The following INPP5K variants were observed in gnomAD, a reference collection of about 807,000 sequenced individuals.
INPP5K encodes the protein inositol polyphosphate 5-phosphatase K.
A neutral mutation model predicts 53.5 loss-of-function variants in INPP5K; 35 were observed. The observed-to-expected ratio is 0.65, with a 90% confidence interval of 0.50 to 0.87. The LOEUF (loss-of-function observed/expected upper bound fraction) is 0.87, where lower values mean the gene tolerates loss of function less well. INPP5K is among the 40% of genes least tolerant of loss of function. INPP5K has a pLI of 0.00. For missense variants in INPP5K, 550 were observed against 586.2 expected (o/e 0.94, Z 0.64); for synonymous variants, 253 against 232.8 (o/e 1.09, Z -0.79).
chr17:1,514,478 C>T (rs1452361691), intron 1 of INPP5K, among the ~76,000 whole-genome samples: 2 of 152,156 alleles, frequency 1.3e-5, no homozygotes, highest in African/African-American at 4.8e-5. Context: ...TCTGCTGAAG[C>T]AAGAAATCCC....
At chr17:1,506,212 T>C (rs1351809515) in intron 7 of INPP5K, among the ~76,000 whole-genome samples, 1 of 152,050 alleles carries the variant, frequency 6.6e-6, no homozygotes, top group East Asian at 1.9e-4. Flanking sequence ...TTAGTAGAGA[T>C]GGGGTTTTAC....
intron 8 of INPP5K, among the ~76,000 whole-genome samples, chr17:1,497,431 G>A (rs997973701): frequency 5.3e-5 from 8 of 152,076 alleles, no homozygotes; most frequent in Admixed American, 6.5e-5. Context: ...CTATGATACC[G>A]CCACTGCACT....
intron 11 of INPP5K, 58 bp downstream of exon 11, chr17:1,496,002 G>T: frequency 6.9e-7 from 1 of 1,439,112 alleles, no homozygotes; most frequent in Middle Eastern, 1.8e-4. Context: ...TGGGCCTCAG[G>T]GAGCCAGTGA....
At chr17:1,509,859 C>T in intron 3 of INPP5K, 60 bp from the exon 4 acceptor site, 2 of 1,009,584 alleles carry the variant, frequency 2.0e-6, no homozygotes, top group Non-Finnish European at 3.1e-6. Flanking sequence ...TGCATCCCTT[C>T]CAAGCTCCGT....
At chr17:1,497,715 G>A (rs960781087) in intron 8 of INPP5K, 17 of 504,378 alleles carry the variant, frequency 3.4e-5, no homozygotes, top group African/African-American at 2.7e-4. Flanking sequence ...CAAAGGAAAT[G>A]GAAACCTTTT....
chr17:1,495,686 C>A lies in INPP5K; in HGVS notation c.*137G>T. The A allele has an allele frequency of 3.1e-6, 2 of 641,890 alleles. No homozygotes were observed. The highest frequency in any genetic ancestry group is 2.9e-5 in the Admixed American group (1 of 34,812). 39.8% of individuals were successfully genotyped at this position (641,890 alleles called of 1,614,324 possible). ...AGAGCAAATGAGCCTGGTTAGAGCTCACTCTGGGAGGAGTATGTGGACGAC... is the reference window on the plus strand; with the variant it reads ...AGAGCAAATGAGCCTGGTTAGAGCTAACTCTGGGAGGAGTATGTGGACGAC... On this transcript the variant is annotated 3_prime_UTR_variant, in exon 12 of 12. Transcript: ENST00000421807.
intron 7 of INPP5K, among the ~76,000 whole-genome samples, chr17:1,502,201 T>G (rs1444076172): frequency 1.3e-5 from 2 of 151,566 alleles, no homozygotes; most frequent in Non-Finnish European, 2.9e-5. Flanking sequence ...TACAAAAAAT[T>G]AGCCAGGCGT....
At chr17:1,504,603 G>A (rs8069517) in intron 7 of INPP5K, among the ~76,000 whole-genome samples, 7,546 of 152,272 alleles carry the variant, frequency 0.05, 232 homozygotes, top group Non-Finnish European at 0.073. Flanking sequence ...TCCAATCCTC[G>A]TGCGATGAAG....
intron 3 of INPP5K, among the ~76,000 whole-genome samples, chr17:1,511,713 A>C (rs1011142165): frequency 1.3e-5 from 2 of 152,068 alleles, no homozygotes; most frequent in Non-Finnish European, 2.9e-5. Context: ...CTGGACCATG[A>C]GGGGCTGACT....
chr17:1,509,231 G>A lies in INPP5K; in HGVS notation c.501C>T (p.Ile167=). ...NYQRLEHFDR[I]LEMQNCEGRD... ...GCCCCTCACAATTCTGCATCTCCAGGATCCGGTCAAAGTGCTCCAGCCGCT... is the reference window on the plus strand; with the variant it reads ...GCCCCTCACAATTCTGCATCTCCAGAATCCGGTCAAAGTGCTCCAGCCGCT... Residue 167 remains isoleucine, a synonymous_variant, in exon 5 of 12, where the codon ATC becomes ATT. Coordinates refer to ENST00000421807, the MANE Select transcript of INPP5K (RefSeq NM_016532.4). 2.5e-6 allele frequency: 4 copies of A among 1,614,066 alleles called. No homozygotes were observed. The highest frequency in any genetic ancestry group is 3.4e-6 in the Non-Finnish European group (4 of 1,180,022).
At chr17:1,515,877 C>T (rs1380708282) in intron 1 of INPP5K, 2 of 979,286 alleles carry the variant, frequency 2.0e-6, no homozygotes, top group African/African-American at 3.5e-5. Context: ...GACTTCTTTT[C>T]CCAGACTCAC....
rs143924613 is a variant in INPP5K, at chr17:1,515,067, T to C, written c.45-1088A>G. On this transcript the variant is annotated intron_variant, in intron 1 of 11. Transcript: ENST00000421807. Reference sequence around the variant, plus strand: ...GATTACAGGTGTGTGCCACCACATCTGGCTAACTTTTGTATTTTTAGTAGA... The same window carrying C: ...GATTACAGGTGTGTGCCACCACATCCGGCTAACTTTTGTATTTTTAGTAGA... Among the ~76,000 whole-genome samples the C allele has an allele frequency of 4.9e-4, 75 of 152,098 alleles. No individual in the cohort carries two copies. In the East Asian group the frequency reaches 0.012, roughly 25 times the overall value.
chr17:1,509,860 C>T (rs2075266151), intron 3 of INPP5K, 61 bp from the exon 4 acceptor site: 3 of 999,168 alleles, frequency 3.0e-6, no homozygotes, highest in Non-Finnish European at 4.7e-6. Flanking sequence ...GCATCCCTTC[C>T]AAGCTCCGTG....
intron 1 of INPP5K, chr17:1,516,077 C>G: frequency 9.0e-6 from 10 of 1,115,744 alleles, no homozygotes; most frequent in Non-Finnish European, 1.1e-5. Flanking sequence ...TTCGGATTCC[C>G]GGGGTTCACC....
intron 8 of INPP5K, 43 bp downstream of exon 8, chr17:1,497,893 A>ATAGC (rs761612244): frequency 9.1e-6 from 14 of 1,543,864 alleles, no homozygotes; most frequent in Middle Eastern, 3.6e-4. Context: ...TGTGGCCAGC[A>ATAGC]TAGCTATTCC....
At chr17:1,515,586 C>T (rs2075415185) in intron 1 of INPP5K, 1 of 985,698 alleles carries the variant, frequency 1.0e-6, no homozygotes, top group Non-Finnish European at 1.2e-6. Flanking sequence ...AGCTGGAGAT[C>T]TGGAATGGCA....
intron 1 of INPP5K, chr17:1,515,791 A>AT: frequency 2.8e-6 from 2 of 704,228 alleles, no homozygotes; most frequent in Non-Finnish European, 3.5e-6. Context: ...TCGGCCTGAG[A>AT]TTTTGAGCTT....
intron 1 of INPP5K, among the ~76,000 whole-genome samples, chr17:1,514,393 G>A (rs2075384560): frequency 6.6e-6 from 1 of 151,994 alleles, no homozygotes; most frequent in South Asian, 2.1e-4. Flanking sequence ...CCACACTCAT[G>A]ATGGGAAATG....
In INPP5K at chr17:1,515,270, C is replaced by G. The variant is rs1488995199; in HGVS notation, c.44+1186G>C. Reference sequence around the variant, plus strand: ...CTTAAGAGTCTATGCTCTATGTCTGCGTAGTATTCCGTGAAAAATAAAGAG... The same window carrying G: ...CTTAAGAGTCTATGCTCTATGTCTGGGTAGTATTCCGTGAAAAATAAAGAG... On this transcript the variant is annotated intron_variant, in intron 1 of 11. Coordinates refer to ENST00000421807, the MANE Select transcript of INPP5K (RefSeq NM_016532.4). 2.0e-5 allele frequency among the ~76,000 whole-genome samples: 3 copies of G among 152,154 alleles called. No individual in the cohort carries two copies. The South Asian group carries it at 6.2e-4, about 31-fold the overall frequency.
Sources: allele counts gnomAD v4.1 joint callset (sites outside exome capture counted in the v4.1 genomes callset), GRCh38; gene constraint gnomAD v4.1.1; transcripts MANE v1.5; gene names NCBI Gene and HGNC (gene_info 2026-07-23, HGNC 2026-07-21).